Variants in ZBTB20 observed in about 807,000 individuals in gnomAD.
The protein encoded by ZBTB20 is zinc finger and BTB domain containing 20.
In ZBTB20, 9 loss-of-function variants were observed where a neutral mutation model predicts 56.9. The observed-to-expected ratio is 0.16, with a 90% CI of 0.10 to 0.28. ZBTB20 has a LOEUF of 0.28. ZBTB20 is among the 10% of genes least tolerant of loss of function. ZBTB20 has a pLI of 1.00. For synonymous variants in ZBTB20, 417 were observed against 420.7 expected, an observed-to-expected ratio of 0.99 and a Z score of 0.11; for missense variants, 655 against 1,003.0, an observed-to-expected ratio of 0.65 and a Z score of 4.69.
At chr3:114,717,980 A>G (rs1463630462) in intron 5 of ZBTB20, among the ~76,000 whole-genome samples, 4 of 152,136 alleles carry the variant, frequency 2.6e-5, no homozygotes, top group Admixed American at 1.3e-4. Context: ...GTTACTAGCA[A>G]TTCATTCTTA....
chr3:115,016,517 A>C (rs989021646), intron 2 of ZBTB20, among the ~76,000 whole-genome samples: 1 of 151,868 alleles, frequency 6.6e-6, no homozygotes. Flanking sequence ...GTTCAGTTTC[A>C]ATTTTCTGCA....
Position 114,849,898 on chromosome 3 carries a change from C to CTTT in ZBTB20, c.-416-48727_-416-48725dup, listed in dbSNP as rs34170211. On this transcript the variant is annotated intron_variant, in intron 4 of 11. Coordinates refer to ENST00000675478, the MANE Select transcript of ZBTB20 (RefSeq NM_001348800.3). ...AATTAAGGCAATAGAATCAGGAAAT[C>CTTT]TTTTTTTTTTTTTTTTTTTGAGATG... Among the ~76,000 whole-genome samples, 566 of 114,804 alleles carry CTTT rather than the reference C, an allele frequency of 4.9e-3. 24 individuals are homozygous for CTTT. Among genetic ancestry groups the CTTT allele is most frequent in the East Asian group, 0.017 (62 of 3,628 alleles). 75.3% of individuals were successfully genotyped at this position (114,804 alleles called of 152,430 possible). A position where few individuals can be genotyped will look rare whatever the true frequency, so the allele number is the denominator to read the frequency against.
At chr3:115,063,211 A>G (rs913615966) in intron 2 of ZBTB20, among the ~76,000 whole-genome samples, 1 of 152,228 alleles carries the variant, frequency 6.6e-6, no homozygotes, top group Non-Finnish European at 1.5e-5. Flanking sequence ...CTGAACAATC[A>G]AAGTCCAAAA....
At chr3:114,759,948 T>C (rs562548796) in intron 5 of ZBTB20, among the ~76,000 whole-genome samples, 11 of 152,252 alleles carry the variant, frequency 7.2e-5, no homozygotes, top group East Asian at 3.9e-4. Flanking sequence ...TAATCAGTAA[T>C]TGACAACACA....
rs1405534886 is a variant in ZBTB20 at position 115,044,291 on chromosome 3, T to C, written c.-507+26928A>G. ...GCCAACCAGCGTAGGTTCACCCTCT[T>C]TTATTTTGCAGCGAGAAAAACAAAA... On this transcript the variant is annotated intron_variant, in intron 2 of 11. Transcript: ENST00000675478. Among the ~76,000 whole-genome samples, 5 of 152,350 alleles carry C rather than the reference T, an allele frequency of 3.3e-5. 1 individual carries two copies. In the South Asian group the frequency reaches 1.0e-3, roughly 32 times the overall value.
chr3:114,568,003 G>A (rs77307085), intron 6 of ZBTB20, among the ~76,000 whole-genome samples: 4,509 of 152,294 alleles, frequency 0.03, 224 homozygotes, highest in African/African-American at 0.1. Context: ...ACTGCAGGGT[G>A]CAGCAGCATG....
intron 6 of ZBTB20, among the ~76,000 whole-genome samples, chr3:114,649,497 G>A (rs1199382201): frequency 6.6e-6 from 1 of 151,866 alleles, no homozygotes; most frequent in Non-Finnish European, 1.5e-5. Flanking sequence ...GTGCATAATG[G>A]ACTCAAGTCT....
chr3:114,489,266 C>G (rs114369999), intron 7 of ZBTB20, among the ~76,000 whole-genome samples: 1,839 of 152,236 alleles, frequency 0.012, 18 homozygotes, highest in Non-Finnish European at 0.019. Context: ...CAGTCATTAG[C>G]AATTACTAAC....
At chr3:114,623,006 A>T (rs2058427157) in intron 6 of ZBTB20, among the ~76,000 whole-genome samples, 1 of 152,164 alleles carries the variant, frequency 6.6e-6, no homozygotes, top group Admixed American at 6.5e-5. Context: ...GCTGCCACAC[A>T]ATCGAATGCT....
chr3:115,146,508 T>C (rs1266521289), intron 1 of ZBTB20, among the ~76,000 whole-genome samples: 1 of 152,208 alleles, frequency 6.6e-6, no homozygotes, highest in Non-Finnish European at 1.5e-5. Flanking sequence ...AGTGTTAACA[T>C]GTTTTAATGT....
At chr3:114,420,522 G>A (rs1053744122) in intron 7 of ZBTB20, among the ~76,000 whole-genome samples, 1 of 152,124 alleles carries the variant, frequency 6.6e-6, no homozygotes, top group African/African-American at 2.4e-5. Flanking sequence ...GTTGATACAG[G>A]AGAATGATGT....
At chr3:114,953,523 G>T (rs1009398928) in intron 3 of ZBTB20, among the ~76,000 whole-genome samples, 1 of 151,858 alleles carries the variant, frequency 6.6e-6, no homozygotes, top group African/African-American at 2.4e-5. Flanking sequence ...AAAAGTGTAC[G>T]TGCTGCAAAC....
intron 2 of ZBTB20, among the ~76,000 whole-genome samples, chr3:115,056,315 C>T (rs986336279): frequency 1.3e-5 from 2 of 151,960 alleles, no homozygotes; most frequent in African/African-American, 4.8e-5. Flanking sequence ...TGTTTATTAT[C>T]GATGAGAGGG....
intron 6 of ZBTB20, among the ~76,000 whole-genome samples, chr3:114,621,229 T>C (rs2058298058): frequency 6.6e-6 from 1 of 152,216 alleles, no homozygotes; most frequent in Admixed American, 6.5e-5. Flanking sequence ...ACTTATCAGC[T>C]AACTACATCT....
intron 5 of ZBTB20, among the ~76,000 whole-genome samples, chr3:114,748,351 T>TTCTCTCTCTCTCTCTC (rs1239684573): frequency 1.4e-5 from 1 of 70,912 alleles, no homozygotes; most frequent in African/African-American, 5.6e-5. Context: ...CTTTCTTTCT[T>TTCTCTCTCTCTCTCTC]TTCTCTCTCT....
rs114543172 is a variant in ZBTB20, at chr3:114,822,952, T to C, written c.-416-21778A>G. Among the ~76,000 whole-genome samples, 1,090 of 152,184 alleles carry C rather than the reference T, an allele frequency of 7.2e-3. 10 individuals are homozygous for C. The highest frequency in any genetic ancestry group is 0.019 in the Admixed American group (285 of 15,258). On this transcript the variant is annotated intron_variant, in intron 4 of 11. Transcript: ENST00000675478. ...TCCTATTATATCAAAAGAAAAAATA[T>C]TGTTGAATTTCTCTTTGGAGAAATC...
intron 7 of ZBTB20, among the ~76,000 whole-genome samples, chr3:114,479,501 G>A (rs979087720): frequency 1.5e-4 from 23 of 152,154 alleles, no homozygotes; most frequent in African/African-American, 4.3e-4. Flanking sequence ...ACAAAGTCAC[G>A]TCTACATATG....
chr3:114,473,945 A>G (rs774582712), intron 7 of ZBTB20, among the ~76,000 whole-genome samples: 4 of 152,224 alleles, frequency 2.6e-5, no homozygotes, highest in Non-Finnish European at 5.9e-5. Flanking sequence ...AAGAGGTTTA[A>G]TGGACTCACA....
intron 6 of ZBTB20, among the ~76,000 whole-genome samples, chr3:114,656,933 G>C (rs1019637922): frequency 6.6e-6 from 1 of 152,042 alleles, no homozygotes; most frequent in Non-Finnish European, 1.5e-5. Flanking sequence ...GTGAGCTACC[G>C]CACCGGGCCT....
Sources: allele counts gnomAD v4.1 joint callset (sites outside exome capture counted in the v4.1 genomes callset), GRCh38; gene constraint gnomAD v4.1.1; transcripts MANE v1.5; gene names NCBI Gene and HGNC (gene_info 2026-07-23, HGNC 2026-07-21).